CNTN4: variants seen among roughly 807,000 people sequenced by gnomAD.
CNTN4 encodes contactin 4, also known as contactin-4.
In CNTN4, 77 loss-of-function variants were observed where a neutral mutation model predicts 122.5. The ratio of observed to expected loss-of-function variants is 0.63; its 90% CI spans 0.52 to 0.76. CNTN4 has a LOEUF of 0.76. Among genes scored for constraint, CNTN4 ranks in the 30% least tolerant of loss-of-function variants. The pLI is 0.00. For synonymous variants in CNTN4, 512 were observed against 447.0 expected (o/e 1.15, Z -1.83); for missense variants, 1,256 against 1,259.1 (o/e 1.00, Z 0.04).
At chr3:2,392,228 T>A (rs1408176708) in intron 3 of CNTN4, among the ~76,000 whole-genome samples, 1 of 152,212 alleles carries the variant, frequency 6.6e-6, no homozygotes, top group Non-Finnish European at 1.5e-5. Flanking sequence ...CGTCATCCCC[T>A]GTGAGGCTGT....
intron 24 of CNTN4, among the ~76,000 whole-genome samples, chr3:3,054,569 G>A (rs537753136): frequency 2.1e-4 from 32 of 152,134 alleles, no homozygotes; most frequent in Non-Finnish European, 4.0e-4. Context: ...CAAATACCAT[G>A]TTTGTAAGTA....
chr3:2,845,434 A>G (rs1052730241), intron 7 of CNTN4, among the ~76,000 whole-genome samples: 3 of 152,032 alleles, frequency 2.0e-5, no homozygotes, highest in Non-Finnish European at 4.4e-5. Context: ...AAATTACTTT[A>G]TTAGTAAATA....
intron 6 of CNTN4, among the ~76,000 whole-genome samples, chr3:2,754,932 T>C (rs531643990): frequency 6.6e-6 from 1 of 152,258 alleles, no homozygotes; most frequent in African/African-American, 2.4e-5. Context: ...TTCTTATGAC[T>C]ACTACAGCGA....
chr3:2,122,803 T>G (rs2033888594), intron 2 of CNTN4, among the ~76,000 whole-genome samples: 1 of 152,194 alleles, frequency 6.6e-6, no homozygotes, highest in African/African-American at 2.4e-5. Context: ...CTGTCAACAT[T>G]TGCAACTTTC....
At chr3:3,024,335 T>C (rs1171602476) in intron 14 of CNTN4, among the ~76,000 whole-genome samples, 1 of 150,116 alleles carries the variant, frequency 6.7e-6, no homozygotes, top group Non-Finnish European at 1.5e-5. Context: ...ATGGGGCTAT[T>C]CCTTGATGTT....
At chr3:2,766,013 C>T (rs557301886) in intron 6 of CNTN4, among the ~76,000 whole-genome samples, 6 of 152,118 alleles carry the variant, frequency 3.9e-5, no homozygotes, top group Non-Finnish European at 8.8e-5. Context: ...TATAGCATTT[C>T]CAAATGAATC....
At chr3:2,626,483 C>A (rs1321049377) in intron 4 of CNTN4, among the ~76,000 whole-genome samples, 1 of 138,424 alleles carries the variant, frequency 7.2e-6, no homozygotes, top group East Asian at 2.2e-4. Flanking sequence ...GGCGACAGAG[C>A]AAGACTCTAT....
At chr3:2,246,523 G>A (rs2040159205) in intron 2 of CNTN4, among the ~76,000 whole-genome samples, 2 of 151,948 alleles carry the variant, frequency 1.3e-5, no homozygotes, top group South Asian at 4.1e-4. Context: ...GATAGTGGTA[G>A]GCACATCTTT....
chr3:3,035,322 A>AT, intron 17 of CNTN4, among the ~76,000 whole-genome samples: 1 of 152,002 alleles, frequency 6.6e-6, no homozygotes, highest in East Asian at 1.9e-4. Context: ...AAAAAAAAAA[A>AT]AAGTCTGTTG....
intron 3 of CNTN4, among the ~76,000 whole-genome samples, chr3:2,398,875 A>G (rs1220791362): frequency 6.6e-6 from 1 of 152,148 alleles, no homozygotes; most frequent in Non-Finnish European, 1.5e-5. Context: ...GATTTGAATT[A>G]TGTATTTGGA....
intron 5 of CNTN4, among the ~76,000 whole-genome samples, chr3:2,736,864 A>G (rs187225496): frequency 1.3e-5 from 2 of 151,610 alleles, no homozygotes; most frequent in Non-Finnish European, 1.5e-5. Flanking sequence ...GCTCACTGCA[A>G]CCTCTGCCTC....
At chr3:2,765,292 A>T (rs536102460) in intron 6 of CNTN4, among the ~76,000 whole-genome samples, 4 of 152,292 alleles carry the variant, frequency 2.6e-5, no homozygotes, top group Non-Finnish European at 5.9e-5. Context: ...AGATGAAAGG[A>T]TGAGATTGAA....
Position 2,627,780 on chromosome 3 carries a change from A to C in CNTN4, c.55+56222A>C, listed in dbSNP as rs1035670182. Among the ~76,000 whole-genome samples, 70 of 152,306 alleles carry C rather than the reference A, an allele frequency of 4.6e-4. 3 individuals are homozygous for C. The highest frequency in any genetic ancestry group is 1.5e-4 in the Non-Finnish European group (10 of 68,018). On this transcript the variant is annotated intron_variant, in intron 4 of 24. Transcript: ENST00000418658. ...AGTGCTGGGATTACAGGCGTGAGCC[A>C]CCGTGCCTGGCCAACTGTCATTTTT...
chr3:2,949,269 C>T (rs1487353289), intron 13 of CNTN4, among the ~76,000 whole-genome samples: 1 of 152,132 alleles, frequency 6.6e-6, no homozygotes, highest in African/African-American at 2.4e-5. Context: ...CAAAAAAGAC[C>T]TTGCTCCTGT....
chr3:2,733,065 A>G (rs2088816117), intron 4 of CNTN4, among the ~76,000 whole-genome samples: 1 of 152,252 alleles, frequency 6.6e-6, no homozygotes, highest in South Asian at 2.1e-4. Context: ...TAAATATTGC[A>G]TGGCTACATT....
Position 2,123,049 on chromosome 3 carries a change from A to T in CNTN4, c.-145+22410A>T, listed in dbSNP as rs367577117. 7.9e-5 allele frequency among the ~76,000 whole-genome samples: 12 copies of T among 152,324 alleles called. No individual in the cohort carries two copies. The East Asian group carries it at 1.5e-3, about 20-fold the overall frequency. ...TTACACAGCAAGTAGAAGCCAGGAC[A>T]GTATGTTCTTGACTTAAGGCATCCT... On this transcript the variant is annotated intron_variant, in intron 2 of 24. Transcript: ENST00000418658.
intron 4 of CNTN4, among the ~76,000 whole-genome samples, chr3:2,599,185 C>T (rs1034081740): frequency 3.9e-5 from 6 of 152,114 alleles, no homozygotes; most frequent in South Asian, 2.1e-4. Context: ...GTTGGAGGTT[C>T]GGCCAAAGCC....
At chr3:2,885,007 G>A (rs1284234903) in intron 9 of CNTN4, among the ~76,000 whole-genome samples, 1 of 152,154 alleles carries the variant, frequency 6.6e-6, no homozygotes, top group Non-Finnish European at 1.5e-5. Flanking sequence ...CACCGATTAT[G>A]TACTTTTCAT....
chr3:2,559,539 G>A (rs1441630569), intron 3 of CNTN4, among the ~76,000 whole-genome samples: 2 of 150,792 alleles, frequency 1.3e-5, no homozygotes, highest in African/African-American at 2.4e-5. Context: ...CAAAACCTTT[G>A]TATTGTAACT....
Sources: allele counts gnomAD v4.1 joint callset (sites outside exome capture counted in the v4.1 genomes callset), GRCh38; gene constraint gnomAD v4.1.1; transcripts MANE v1.5; gene names NCBI Gene and HGNC (gene_info 2026-07-23, HGNC 2026-07-21).